PRPF39: variants seen among roughly 807,000 people sequenced by gnomAD.
The protein encoded by PRPF39 is pre-mRNA-processing factor 39.
In PRPF39, 27 loss-of-function variants were observed where a neutral mutation model predicts 82.1. The observed-to-expected ratio is 0.33, with a 90% CI of 0.24 to 0.45. PRPF39 has a LOEUF of 0.45. PRPF39 is among the 20% of genes least tolerant of loss of function. PRPF39 has a pLI of 1.00. For missense variants in PRPF39, 581 were observed against 796.9 expected (o/e 0.73, Z 3.26); for synonymous variants, 261 against 256.4 (o/e 1.02, Z -0.17).
chr14:45,086,283 C>T (rs529574134), intron 1 of PRPF39, among the ~76,000 whole-genome samples: 3 of 152,240 alleles, frequency 2.0e-5, no homozygotes, highest in Non-Finnish European at 2.9e-5. Flanking sequence ...TTGAAGTCAT[C>T]CTCCAAAAGA....
chr14:45,089,558 C>G (rs1883954208), intron 1 of PRPF39, among the ~76,000 whole-genome samples: 1 of 152,150 alleles, frequency 6.6e-6, no homozygotes. Flanking sequence ...AGCCTTGACT[C>G]CCACTTCAGC....
chr14:45,101,460 C>T (rs1456355690), intron 4 of PRPF39, among the ~76,000 whole-genome samples: 2 of 148,442 alleles, frequency 1.3e-5, no homozygotes, highest in Non-Finnish European at 3.0e-5. Context: ...TTGTAACAAA[C>T]TTTTTTTTTT....
At chr14:45,105,094 C>G (rs192881883) in intron 5 of PRPF39, among the ~76,000 whole-genome samples, 1 of 152,102 alleles carries the variant, frequency 6.6e-6, no homozygotes, top group Non-Finnish European at 1.5e-5. Context: ...CTTTGTATCT[C>G]TAATATTTAG....
chr14:45,108,758 C>T (rs951981872), intron 7 of PRPF39, among the ~76,000 whole-genome samples: 1 of 152,216 alleles, frequency 6.6e-6, no homozygotes, highest in East Asian at 1.9e-4. Context: ...TTAATCTGAA[C>T]AATTTTATTC....
rs116608222 is a variant in PRPF39, at chr14:45,091,836, A to G, written c.-19-3385A>G. Among the ~76,000 whole-genome samples the G allele has an allele frequency of 3.9e-3, 593 of 152,342 alleles. 3 individuals carry two copies. Among genetic ancestry groups the G allele is most frequent in the African/African-American group, 0.014 (568 of 41,584 alleles). On this transcript the variant is annotated intron_variant, in intron 1 of 13. Coordinates refer to ENST00000355765, the MANE Select transcript of PRPF39 (RefSeq NM_017922.4). ...TGGACAGTCTCATGCACTGTTGATGACTTAATTGGTTAGGAATTCATTTTG... is the reference window on the plus strand; with the variant it reads ...TGGACAGTCTCATGCACTGTTGATGGCTTAATTGGTTAGGAATTCATTTTG...
At position 45,096,164 on chromosome 14, in the gene PRPF39, A is replaced by G; in HGVS notation, c.386A>G (p.Tyr129Cys). The G allele has an allele frequency of 6.3e-7, 1 of 1,591,304 alleles. No individual in the cohort carries two copies. Among genetic ancestry groups the G allele is most frequent in the South Asian group, 1.1e-5 (1 of 87,414 alleles). ...TTTTTCATACACTATCCGTATTGCT[A>G]TGGTTACTGGAAAAAGTATGCAGAC... ...DRFFIHYPYC[Y>C]GYWKKYADLE... Residue 129 changes from tyrosine (Y) to cysteine (C), a missense_variant, in exon 3 of 14, where the codon TAT becomes TGT. By Grantham distance (194) the Tyr-to-Cys change is radical. Coordinates refer to ENST00000355765, the MANE Select transcript of PRPF39 (RefSeq NM_017922.4).
In PRPF39 at chr14:45,115,088, G is replaced by T. The variant is rs145439754; in HGVS notation, c.*175G>T. 2,535 of 433,642 alleles carry T rather than the reference G, an allele frequency of 5.8e-3. 17 individuals are homozygous for T. Among genetic ancestry groups the T allele is most frequent in the South Asian group, 0.012 (192 of 15,918 alleles). The allele number at this position is 433,642 out of a possible 1,614,324, so 26.9% of individuals were successfully genotyped here. On this transcript the variant is annotated 3_prime_UTR_variant, in exon 14 of 14. Transcript: ENST00000355765. Reference sequence around the variant, plus strand: ...AAATGTCAATTAGTAGCTTACCACAGATACTGTTTCCTACCATTTATAAAA... The same window carrying T: ...AAATGTCAATTAGTAGCTTACCACATATACTGTTTCCTACCATTTATAAAA...
At chr14:45,097,064 G>C (rs1884221168) in intron 4 of PRPF39, 59 bp downstream of exon 4, 10 of 1,461,128 alleles carry the variant, frequency 6.8e-6, no homozygotes, top group Non-Finnish European at 8.1e-6. Context: ...TTCTGATGTT[G>C]ATAATAGAGC....
rs1183491824 is a variant in PRPF39, at chr14:45,115,918, A to G, written c.*1005A>G. 5 of 358,942 alleles carry G rather than the reference A, an allele frequency of 1.4e-5. No individual in the cohort carries two copies. The highest frequency in any genetic ancestry group is 2.1e-5 in the Non-Finnish European group (4 of 189,972). The allele number at this position is 358,942 out of a possible 1,614,324, so 22.2% of individuals were successfully genotyped here. ...ACAGTCAGATCAAGACAGTGGATCA[A>G]TTTTTATTGAGCCACTTAAGTTTAC... On this transcript the variant is annotated 3_prime_UTR_variant, in exon 14 of 14. Coordinates refer to ENST00000355765, the MANE Select transcript of PRPF39 (RefSeq NM_017922.4).
At chr14:45,098,554 C>T (rs1306083614) in intron 4 of PRPF39, among the ~76,000 whole-genome samples, 2 of 152,070 alleles carry the variant, frequency 1.3e-5, no homozygotes, top group Non-Finnish European at 2.9e-5. Context: ...TCCCCTGCCC[C>T]TCATTTTTCC....
chr14:45,108,718 C>G, intron 7 of PRPF39, among the ~76,000 whole-genome samples, 196 bp downstream of exon 7: 1 of 152,194 alleles, frequency 6.6e-6, no homozygotes, highest in Middle Eastern at 3.4e-3. Flanking sequence ...ATGTTTGAAT[C>G]CAGATTTACT....
At position 45,096,192 on chromosome 14, in the gene PRPF39, T is replaced by C. The variant is rs746729834; in HGVS notation, c.414T>C (p.Leu138=). The C allele has an allele frequency of 6.3e-7, 1 of 1,591,452 alleles. No homozygotes were observed. The highest frequency in any genetic ancestry group is 8.6e-7 in the Non-Finnish European group (1 of 1,168,142). Residue 138 remains leucine (L), a synonymous_variant, in exon 3 of 14, where the codon CTT becomes CTC. Coordinates refer to ENST00000355765, the MANE Select transcript of PRPF39 (RefSeq NM_017922.4). ...GTTACTGGAAAAAGTATGCAGACCTTGAAAAGCGGCACGACAACATTAAAC... is the reference window on the plus strand; with the variant it reads ...GTTACTGGAAAAAGTATGCAGACCTCGAAAAGCGGCACGACAACATTAAAC... ...CYGYWKKYAD[L]EKRHDNIKPS...
At chr14:45,092,680 C>G (rs1034886219) in intron 1 of PRPF39, among the ~76,000 whole-genome samples, 1 of 151,334 alleles carries the variant, frequency 6.6e-6, no homozygotes, top group Non-Finnish European at 1.5e-5. Context: ...GTTATACTCT[C>G]CAGAGTTTAC....
chr14:45,096,513 CACTT>C (rs1884205828), intron 3 of PRPF39: 19 of 1,439,204 alleles, frequency 1.3e-5, no homozygotes, highest in Non-Finnish European at 1.7e-5. Flanking sequence ...GCTTTTCTCT[CACTT>C]ACATTTATTT....
Position 45,095,424 on chromosome 14 carries a change from G to T in PRPF39, c.185G>T (p.Ser62Ile), listed in dbSNP as rs999570487. ...TCTACAGAAGAAACTGAAATGGCAA[G>T]TGCTGTGGACCTTCCAGTGACGCTG... ...NASTEETEMA[S>I]AVDLPVTLTE... The change falls in exon 2 of 14, where the codon AGT (serine) becomes ATT (isoleucine). Residue 62 changes from serine (S) to isoleucine (I), a missense_variant. Transcript: ENST00000355765. The T allele has an allele frequency of 3.7e-6, 6 of 1,614,008 alleles. No homozygotes were observed.
At chr14:45,112,125 T>A (rs1233626452) in intron 10 of PRPF39, among the ~76,000 whole-genome samples, 193 bp from the exon 11 acceptor site, 2 of 152,202 alleles carry the variant, frequency 1.3e-5, no homozygotes, top group East Asian at 3.9e-4. Context: ...ATCAACTGAT[T>A]GAAAAATTCA....
chr14:45,086,950 T>C (rs963878810), intron 1 of PRPF39, among the ~76,000 whole-genome samples: 1 of 151,882 alleles, frequency 6.6e-6, no homozygotes, highest in Non-Finnish European at 1.5e-5. Context: ...CAGTGTGCCC[T>C]TAATGTGTGC....
chr14:45,115,436 G>A lies in PRPF39; in HGVS notation c.*523G>A, dbSNP rs777997675. 6.6e-6 allele frequency: 1 copy of A among 152,406 alleles called. No homozygotes were observed. The highest frequency in any genetic ancestry group is 2.1e-4 in the South Asian group (1 of 4,822). The allele number at this position is 152,406 out of a possible 1,614,324, so 9.4% of individuals were successfully genotyped here. ...CTTTGCCTTGGAATAGATTATAAAT[G>A]AGAAAATGGAATGTTTGCATCCCTT... On this transcript the variant is annotated 3_prime_UTR_variant, in exon 14 of 14. Coordinates refer to ENST00000355765, the MANE Select transcript of PRPF39 (RefSeq NM_017922.4).
intron 1 of PRPF39, among the ~76,000 whole-genome samples, chr14:45,092,266 A>G (rs1313417890): frequency 6.6e-6 from 1 of 152,186 alleles, no homozygotes; most frequent in Non-Finnish European, 1.5e-5. Context: ...GTAGGCAACT[A>G]ACAGTGTCTG....
Sources: allele counts gnomAD v4.1 joint callset (sites outside exome capture counted in the v4.1 genomes callset), GRCh38; gene constraint gnomAD v4.1.1; transcripts MANE v1.5; gene names NCBI Gene and HGNC (gene_info 2026-07-23, HGNC 2026-07-21).